The following RALGPS2 variants were observed in gnomAD, a reference collection of about 807,000 sequenced individuals.
RALGPS2 encodes the protein Ral GEF with PH domain and SH3 binding motif 2.
RALGPS2 carries 43 observed loss-of-function variants against 86.8 expected under a neutral mutation model. That is an observed-to-expected ratio of 0.50 (90% CI 0.39 to 0.64). The LOEUF (loss-of-function observed/expected upper bound fraction) is 0.64, where lower values mean the gene tolerates loss of function less well. Among genes scored for constraint, RALGPS2 ranks in the 30% least tolerant of loss-of-function variants. RALGPS2 has a pLI of 0.00. For missense variants in RALGPS2, 536 were observed against 694.6 expected (o/e 0.77, Z 2.57); for synonymous variants, 243 against 231.3 (o/e 1.05, Z -0.46).
At chr1:178,912,041 T>C (rs1176073820) in intron 19 of RALGPS2, among the ~76,000 whole-genome samples, 1 of 152,218 alleles carries the variant, frequency 6.6e-6, no homozygotes, top group Non-Finnish European at 1.5e-5. Flanking sequence ...TTTTTTGTTT[T>C]CCATTTGCTT....
At chr1:178,775,449 G>A (rs533125019) in intron 1 of RALGPS2, among the ~76,000 whole-genome samples, 4 of 152,092 alleles carry the variant, frequency 2.6e-5, no homozygotes, top group Non-Finnish European at 4.4e-5. Context: ...TATGAAAAAC[G>A]TCATAGATCT....
At chr1:178,742,151 A>G (rs1316679963) in intron 1 of RALGPS2, among the ~76,000 whole-genome samples, 1 of 147,224 alleles carries the variant, frequency 6.8e-6, no homozygotes, top group African/African-American at 2.5e-5. Context: ...AAAAAAAAAA[A>G]GAAGAAGAAG....
At position 178,916,469 on chromosome 1, in the gene RALGPS2, TG is replaced by T; in HGVS notation, c.*111del. ...TGTGCCAGGAAGAGCCCAGAGGCTC[TG>T]TCTCAGTCGTTGGAGTTCTCAACCA... On this transcript the variant is annotated 3_prime_UTR_variant, in exon 20 of 20. Transcript: ENST00000367635. 1 of 1,034,128 alleles carries T rather than the reference TG, an allele frequency of 9.7e-7. No homozygotes were observed. The highest frequency in any genetic ancestry group is 1.4e-6 in the Non-Finnish European group (1 of 712,172). The allele number at this position is 1,034,128 out of a possible 1,614,324, so 64.1% of individuals were successfully genotyped here. A position where few individuals can be genotyped will look rare whatever the true frequency, so the allele number is the denominator to read the frequency against.
intron 4 of RALGPS2, among the ~76,000 whole-genome samples, chr1:178,790,441 T>C (rs1339523205): frequency 6.6e-6 from 1 of 152,264 alleles, no homozygotes; most frequent in Non-Finnish European, 1.5e-5. Flanking sequence ...AGAAAGGCTT[T>C]CTGCATTCTG....
rs759262973 is a variant in RALGPS2, at chr1:178,878,853, C to T, written c.746-49C>T. ...TATTTTCAGCTTAATTTTTAAAGTTCTGGTTAAGATGTACTTTATCAGATA... is the reference window on the plus strand; with the variant it reads ...TATTTTCAGCTTAATTTTTAAAGTTTTGGTTAAGATGTACTTTATCAGATA... On this transcript the variant is annotated intron_variant, in intron 9 of 19. Transcript: ENST00000367635. The T allele has an allele frequency of 1.9e-6, 3 of 1,585,072 alleles. No individual in the cohort carries two copies. In the African/African-American group the frequency reaches 4.1e-5, roughly 22 times the overall value.
At chr1:178,749,696 T>C (rs72705191) in intron 1 of RALGPS2, among the ~76,000 whole-genome samples, 6,124 of 152,304 alleles carry the variant, frequency 0.04, 146 homozygotes, top group Non-Finnish European at 0.057. Flanking sequence ...TGCAGAGTTA[T>C]CTACAGCTGC....
chr1:178,852,983 T>A (rs767995957), intron 8 of RALGPS2: 2 of 1,580,838 alleles, frequency 1.3e-6, no homozygotes, highest in Non-Finnish European at 1.7e-6. Context: ...CATGAGTGCA[T>A]AAATAAGTAT....
chr1:178,823,545 T>C (rs753452839), intron 7 of RALGPS2, among the ~76,000 whole-genome samples: 1 of 152,132 alleles, frequency 6.6e-6, no homozygotes, highest in African/African-American at 2.4e-5. Context: ...CCTGGAGGAA[T>C]TGAGGGAACC....
chr1:178,786,891 G>C (rs565402415), intron 4 of RALGPS2, among the ~76,000 whole-genome samples: 12 of 151,988 alleles, frequency 7.9e-5, no homozygotes, highest in African/African-American at 2.9e-4. Flanking sequence ...TTTCAAGTAA[G>C]TTACTTCCTG....
intron 4 of RALGPS2, among the ~76,000 whole-genome samples, chr1:178,797,047 G>C (rs945345430): frequency 6.6e-6 from 1 of 152,104 alleles, no homozygotes; most frequent in Non-Finnish European, 1.5e-5. Context: ...TAAAATGGAG[G>C]CTTATTTACA....
At chr1:178,824,113 T>A (rs1484897407) in intron 7 of RALGPS2, among the ~76,000 whole-genome samples, 2 of 152,136 alleles carry the variant, frequency 1.3e-5, no homozygotes, top group East Asian at 3.9e-4. Context: ...ATAATTTGAA[T>A]AAGGTGCAAA....
chr1:178,909,263 C>T (rs1660510815), intron 19 of RALGPS2, among the ~76,000 whole-genome samples: 1 of 152,012 alleles, frequency 6.6e-6, no homozygotes, highest in Non-Finnish European at 1.5e-5. Flanking sequence ...TGGTTCTATC[C>T]TGTTCCATTG....
rs4652330 is a variant in RALGPS2 at position 178,906,987 on chromosome 1, T to C, written c.1722+120T>C. 8.2e-6 allele frequency: 7 copies of C among 854,264 alleles called. No individual in the cohort carries two copies. The Admixed American group carries it at 1.5e-4, about 19-fold the overall frequency. The allele number at this position is 854,264 out of a possible 1,614,324, so 52.9% of individuals were successfully genotyped here. On this transcript the variant is annotated intron_variant, in intron 19 of 19. Transcript: ENST00000367635. ...TAGGAGAATGGTGGTGTTTTTATTC[T>C]TGTTGATTACAGTTAATAAGATATG...
chr1:178,782,455 G>A (rs1049883749), intron 2 of RALGPS2, among the ~76,000 whole-genome samples: 3 of 152,098 alleles, frequency 2.0e-5, no homozygotes, highest in African/African-American at 7.2e-5. Context: ...TGCCCTCAAG[G>A]GAAACTACTT....
chr1:178,807,838 G>GTT (rs1654812730), intron 4 of RALGPS2, among the ~76,000 whole-genome samples: 1 of 152,086 alleles, frequency 6.6e-6, no homozygotes, highest in South Asian at 2.1e-4. Context: ...ATTTGCCTAT[G>GTT]TTTTCATAGT....
intron 15 of RALGPS2, among the ~76,000 whole-genome samples, chr1:178,893,637 A>G (rs1659813088): frequency 6.6e-6 from 1 of 151,898 alleles, no homozygotes; most frequent in South Asian, 2.1e-4. Context: ...TTAATTTAAT[A>G]TTTACTAAAG....
chr1:178,862,020 G>A (rs1051711784), intron 8 of RALGPS2, among the ~76,000 whole-genome samples: 3 of 151,860 alleles, frequency 2.0e-5, no homozygotes, highest in Non-Finnish European at 4.4e-5. Context: ...TTACAGGCAC[G>A]CACCACCATG....
intron 1 of RALGPS2, among the ~76,000 whole-genome samples, chr1:178,736,645 C>T (rs950556950): frequency 6.6e-5 from 10 of 152,082 alleles, no homozygotes; most frequent in Non-Finnish European, 1.0e-4. Flanking sequence ...CACCTGTAAT[C>T]TCAGCACTTT....
intron 2 of RALGPS2, among the ~76,000 whole-genome samples, chr1:178,781,478 A>C (rs1313616086): frequency 6.6e-6 from 1 of 152,158 alleles, no homozygotes; most frequent in African/African-American, 2.4e-5. Context: ...TCATGCCTTG[A>C]ATGAATTATT....
Sources: allele counts gnomAD v4.1 joint callset (sites outside exome capture counted in the v4.1 genomes callset), GRCh38; gene constraint gnomAD v4.1.1; transcripts MANE v1.5; gene names NCBI Gene and HGNC (gene_info 2026-07-23, HGNC 2026-07-21).